NUCKS1: variants seen among roughly 807,000 people sequenced by gnomAD.
NUCKS1 encodes nuclear ubiquitous casein and cyclin-dependent kinase substrate 1.
Under a neutral mutation model 33.0 loss-of-function variants are expected in NUCKS1, and 2 were observed. The ratio of observed to expected loss-of-function variants is 0.06; its 90% CI spans 0.02 to 0.19. The LOEUF is 0.19. Ranked by LOEUF, NUCKS1 falls within the 10% of genes least tolerant of loss-of-function variation. NUCKS1 has a pLI of 1.00. For missense variants in NUCKS1, 201 were observed against 293.6 expected (o/e 0.68, Z 2.31); for synonymous variants, 106 against 102.8 (o/e 1.03, Z -0.19).
Position 205,720,605 on chromosome 1 carries a change from C to T in NUCKS1, c.278G>A (p.Arg93Gln). 1.2e-6 allele frequency: 2 copies of T among 1,614,098 alleles called. No homozygotes were observed. The highest frequency in any genetic ancestry group is 1.7e-6 in the Non-Finnish European group (2 of 1,179,992). The change falls in exon 5 of 7, where the codon CGG (arginine) becomes CAG (glutamine). Residue 93 changes from arginine (R) to glutamine (Q), a missense_variant. Transcript: ENST00000367142. Reference sequence around the variant, plus strand: ...AGAAGCTGCTTTAGATGCCGCCTGCCGTTGTTGGCGCACATTTTTATGATC... The same window carrying T: ...AGAAGCTGCTTTAGATGCCGCCTGCTGTTGTTGGCGCACATTTTTATGATC... ...KEDHKNVRQQ[R>Q]QAASKAASKQ... is the part of the protein sequence containing the mutation.
In NUCKS1 at chr1:205,719,476, T is replaced by C. The variant is rs375567076; in HGVS notation, c.532+51A>G. The C allele has an allele frequency of 9.3e-5, 143 of 1,538,692 alleles. No homozygotes were observed. The African/African-American group carries it at 9.6e-4, about 10-fold the overall frequency. On this transcript the variant is annotated intron_variant, in intron 6 of 6. Coordinates refer to ENST00000367142, the MANE Select transcript of NUCKS1 (RefSeq NM_022731.5). ...GGAATTTCTGTATTGAAAATAATGA[T>C]TCTCAAAATTTTTAAAGCAGTAAAT... is the stretch of plus-strand genomic sequence containing the variant.
intron 3 of NUCKS1, among the ~76,000 whole-genome samples, chr1:205,725,591 C>T (rs761633400): frequency 2.0e-5 from 3 of 152,082 alleles, no homozygotes; most frequent in African/African-American, 4.8e-5. Flanking sequence ...GCTCTTTTAT[C>T]GAGTTTATAG....
intron 5 of NUCKS1, among the ~76,000 whole-genome samples, chr1:205,720,116 A>T (rs1046657885): frequency 6.6e-6 from 1 of 152,218 alleles, no homozygotes. Flanking sequence ...TAATCTGAAT[A>T]ACCTGTGAAA....
At chr1:205,723,381 G>C (rs1162275882) in intron 4 of NUCKS1, among the ~76,000 whole-genome samples, 1 of 151,984 alleles carries the variant, frequency 6.6e-6, no homozygotes. Context: ...CATTTTATTT[G>C]GCCATGGAGA....
chr1:205,721,676 CTT>C (rs202035796), intron 4 of NUCKS1, among the ~76,000 whole-genome samples: 6 of 143,418 alleles, frequency 4.2e-5, no homozygotes, highest in African/African-American at 5.1e-5. Context: ...TGTGGAAAAC[CTT>C]TTTTTTTTTT....
intron 4 of NUCKS1, among the ~76,000 whole-genome samples, chr1:205,721,417 C>A (rs1027489827): frequency 5.3e-5 from 8 of 152,118 alleles, no homozygotes; most frequent in African/African-American, 1.9e-4. Flanking sequence ...TGAATTAAAG[C>A]GTGAATACAT....
chr1:205,729,638 C>T lies in NUCKS1; in HGVS notation c.18-17G>A. ...TTCCTATTTCTGTAGAAAGAAGAGA[C>T]TCTAATTAAAATCATAAAACTGTAG... On this transcript the variant is annotated splice_polypyrimidine_tract_variant and intron_variant, in intron 1 of 6. Transcript: ENST00000367142. 1 of 1,574,560 alleles carries T rather than the reference C, an allele frequency of 6.4e-7. No individual in the cohort carries two copies. Among genetic ancestry groups the T allele is most frequent in the Non-Finnish European group, 8.7e-7 (1 of 1,145,216 alleles).
At chr1:205,739,703 C>A (rs1654118011) in intron 1 of NUCKS1, among the ~76,000 whole-genome samples, 1 of 152,150 alleles carries the variant, frequency 6.6e-6, no homozygotes, top group Non-Finnish European at 1.5e-5. Flanking sequence ...CAATCTTCTG[C>A]CTCAGCCTCT....
At chr1:205,724,841 A>G (rs922286424) in intron 3 of NUCKS1, among the ~76,000 whole-genome samples, 1 of 152,222 alleles carries the variant, frequency 6.6e-6, no homozygotes, top group African/African-American at 2.4e-5. Flanking sequence ...CATCAGAAAC[A>G]TCAACATATA....
At chr1:205,723,836 A>C in intron 4 of NUCKS1, 90 bp downstream of exon 4, 1 of 897,624 alleles carries the variant, frequency 1.1e-6, no homozygotes, top group South Asian at 1.6e-5. Flanking sequence ...GATTTGCAAC[A>C]GTGCCTGGCA....
intron 1 of NUCKS1, among the ~76,000 whole-genome samples, chr1:205,735,358 G>A (rs554849794): frequency 4.8e-4 from 73 of 152,244 alleles, no homozygotes; most frequent in Middle Eastern, 3.4e-3. Flanking sequence ...ATACAGCCTA[G>A]GTGTGCAGGA....
rs1654467516 is a variant in NUCKS1 at position 205,750,031 on chromosome 1, C to A, written c.-58G>T. On this transcript the variant is annotated 5_prime_UTR_variant, in exon 1 of 7. Transcript: ENST00000367142. ...CCAAAGACCAGGACCCCCCCCACCCCGCGCGCTCGGCGCCCCACCCCCCCC... is the reference window on the plus strand; with the variant it reads ...CCAAAGACCAGGACCCCCCCCACCCAGCGCGCTCGGCGCCCCACCCCCCCC... 9.0e-7 allele frequency: 1 copy of A among 1,116,840 alleles called. No individual in the cohort carries two copies. The highest frequency in any genetic ancestry group is 1.2e-6 in the Non-Finnish European group (1 of 832,046). The allele number at this position is 1,116,840 out of a possible 1,614,324, so 69.2% of individuals were successfully genotyped here.
intron 1 of NUCKS1, among the ~76,000 whole-genome samples, chr1:205,740,710 T>G (rs1167285783): frequency 6.6e-6 from 1 of 151,310 alleles, no homozygotes; most frequent in African/African-American, 2.4e-5. Context: ...AGAAAAGAGC[T>G]CCTAATTTTT....
intron 1 of NUCKS1, among the ~76,000 whole-genome samples, chr1:205,732,466 A>G (rs570874153): frequency 8.9e-4 from 136 of 152,254 alleles, no homozygotes; most frequent in African/African-American, 2.8e-3. Context: ...AGTACTTAAC[A>G]ATACTGAACT....
At chr1:205,744,207 T>A (rs1654253649) in intron 1 of NUCKS1, among the ~76,000 whole-genome samples, 1 of 152,232 alleles carries the variant, frequency 6.6e-6, no homozygotes, top group Non-Finnish European at 1.5e-5. Flanking sequence ...TGTGACAATG[T>A]CACATTGAAA....
chr1:205,734,620 T>A (rs1653989572), intron 1 of NUCKS1, among the ~76,000 whole-genome samples: 1 of 151,840 alleles, frequency 6.6e-6, no homozygotes, highest in Non-Finnish European at 1.5e-5. Context: ...CAGGCCGGGC[T>A]TGGTGGCTCA....
rs1211554300 is a variant in NUCKS1 at position 205,712,832 on chromosome 1, A to G, written c.*5448T>C. On this transcript the variant is annotated 3_prime_UTR_variant, in exon 7 of 7. Transcript: ENST00000367142. ...AATGCAAGTGTGTTCTGTGAGTATA[A>G]ACATTATCTTTTATTATATATGATT... The G allele has an allele frequency of 6.6e-6, 1 of 152,202 alleles. No individual in the cohort carries two copies. Among genetic ancestry groups the G allele is most frequent in the Non-Finnish European group, 1.5e-5 (1 of 68,048 alleles). The allele number at this position is 152,202 out of a possible 1,614,324, so 9.4% of individuals were successfully genotyped here.
intron 3 of NUCKS1, among the ~76,000 whole-genome samples, chr1:205,724,916 A>C (rs539591519): frequency 6.6e-6 from 1 of 152,358 alleles, no homozygotes; most frequent in Admixed American, 6.5e-5. Flanking sequence ...AAGTAAAATA[A>C]GAAGTTAAGG....
In NUCKS1 at chr1:205,747,562, G is replaced by A. The variant is rs922414706; in HGVS notation, c.17+2395C>T. Among the ~76,000 whole-genome samples the A allele has an allele frequency of 1.5e-4, 23 of 152,128 alleles. No homozygotes were observed. The Middle Eastern group carries it at 0.017, about 112-fold the overall frequency. On this transcript the variant is annotated intron_variant, in intron 1 of 6. Transcript: ENST00000367142. The stretch of plus-strand genomic sequence containing the variant: ...TTTCCAAATGCTCTTAAAATGTTTA[G>A]GTTCATATTAAAATAAAAATGGATA...
Sources: gnomAD v4.1 joint callset for allele counts (sites outside exome capture counted in the v4.1 genomes callset) on GRCh38, gnomAD v4.1.1 for gene constraint, MANE v1.5 for transcripts, NCBI Gene and HGNC (gene_info 2026-07-23, HGNC 2026-07-21) for gene names.